SPAG16: variants seen among roughly 807,000 people sequenced by gnomAD.
SPAG16 encodes the protein sperm-associated antigen 16 protein.
Under a neutral mutation model 80.4 loss-of-function variants are expected in SPAG16, and 86 were observed. The ratio of observed to expected loss-of-function variants is 1.07; its 90% CI spans 0.90 to 1.28. The LOEUF is 1.28. Ranked by LOEUF, SPAG16 falls within the 50% of genes most tolerant of loss-of-function variation. The probability of loss-of-function intolerance (pLI) is 0.00; values close to 1 mark genes in which losing one functional copy is unlikely to be tolerated. For synonymous variants in SPAG16, 294 were observed against 265.9 expected, an observed-to-expected ratio of 1.11 and a Z score of -1.03; for missense variants, 870 against 765.3, an observed-to-expected ratio of 1.14 and a Z score of -1.61.
At chr2:213,801,139 A>G (rs2071368768) in intron 10 of SPAG16, among the ~76,000 whole-genome samples, 1 of 152,230 alleles carries the variant, frequency 6.6e-6, no homozygotes, top group Non-Finnish European at 1.5e-5. Context: ...TTTCTGGCAG[A>G]CCTGGAAAAT....
rs2054282748 is a variant in SPAG16, at chr2:214,122,763, A to G, written c.1593+14502A>G. On this transcript the variant is annotated intron_variant, in intron 14 of 15. Transcript: ENST00000331683. ...TATTTGATGTCAGTTCTTATTCATT[A>G]CTGCACCAAGATGATGCATAAGTCA... Among the ~76,000 whole-genome samples, 3 of 152,060 alleles carry G rather than the reference A, an allele frequency of 2.0e-5. No homozygotes were observed. In the South Asian group the frequency reaches 6.2e-4, roughly 32 times the overall value.
At chr2:213,809,676 T>C (rs953106152) in intron 10 of SPAG16, among the ~76,000 whole-genome samples, 1 of 151,868 alleles carries the variant, frequency 6.6e-6, no homozygotes, top group Non-Finnish European at 1.5e-5. Context: ...AAATTACAAT[T>C]AAAAAGAGAA....
intron 10 of SPAG16, among the ~76,000 whole-genome samples, chr2:213,551,783 T>C (rs757509654): frequency 3.3e-5 from 5 of 152,172 alleles, no homozygotes; most frequent in African/African-American, 4.8e-5. Flanking sequence ...ACGTCCCCAC[T>C]CCACTTCTAT....
intron 9 of SPAG16, among the ~76,000 whole-genome samples, chr2:213,472,912 G>A (rs2073165982): frequency 6.6e-6 from 1 of 152,146 alleles, no homozygotes; most frequent in Non-Finnish European, 1.5e-5. Context: ...AGGTTTCCTT[G>A]GGGAAGAATG....
intron 9 of SPAG16, among the ~76,000 whole-genome samples, chr2:213,400,586 A>C (rs1358722320): frequency 6.6e-6 from 1 of 152,166 alleles, no homozygotes; most frequent in Non-Finnish European, 1.5e-5. Context: ...CTACCAAAAA[A>C]TGTTTTCTTT....
At chr2:213,664,230 ATAATCCAGGATT>A (rs1298963228) in intron 10 of SPAG16, among the ~76,000 whole-genome samples, 2 of 152,042 alleles carry the variant, frequency 1.3e-5, no homozygotes, top group Non-Finnish European at 2.9e-5. Context: ...GCCCAATCAG[ATAATCCAGGATT>A]TATCTTCCCG....
chr2:213,945,349 T>C (rs1405756732), intron 12 of SPAG16, among the ~76,000 whole-genome samples: 4 of 149,586 alleles, frequency 2.7e-5, no homozygotes, highest in African/African-American at 9.8e-5. Flanking sequence ...TATATATATG[T>C]GGGAATTTAT....
chr2:213,605,182 A>G (rs1205880832), intron 10 of SPAG16, among the ~76,000 whole-genome samples: 2 of 152,088 alleles, frequency 1.3e-5, no homozygotes, highest in African/African-American at 2.4e-5. Flanking sequence ...CACACTTTAT[A>G]TATGTCCACC....
In SPAG16 at chr2:213,327,902, T is replaced by C. The variant is rs181558201; in HGVS notation, c.536+10546T>C. On this transcript the variant is annotated intron_variant, in intron 5 of 15. Transcript: ENST00000331683. The stretch of plus-strand genomic sequence containing the variant: ...ATGATTATGAGTACAGAAACATTTA[T>C]TGAGTAATTTAGTATTTGCTATGTG... Among the ~76,000 whole-genome samples the C allele has an allele frequency of 2.0e-3, 300 of 152,264 alleles. 7 individuals are homozygous for C. The highest frequency in any genetic ancestry group is 2.1e-4 in the Non-Finnish European group (14 of 67,984).
chr2:214,384,801 C>T (rs909818982), intron 15 of SPAG16, among the ~76,000 whole-genome samples: 7 of 152,174 alleles, frequency 4.6e-5, no homozygotes, highest in Non-Finnish European at 8.8e-5. Flanking sequence ...AGAAGAATAA[C>T]TAAAAGAAGT....
chr2:213,330,513 T>A (rs2064047605), intron 5 of SPAG16, among the ~76,000 whole-genome samples: 1 of 152,242 alleles, frequency 6.6e-6, no homozygotes, highest in Non-Finnish European at 1.5e-5. Flanking sequence ...CCATTTGGAA[T>A]GGCTGTATTT....
In SPAG16 at chr2:214,060,454, A is replaced by T. The variant is rs1425634157; in HGVS notation, c.1527+46377A>T. The stretch of plus-strand genomic sequence containing the variant: ...GTAAGATTATGGGTTACTATAATGA[A>T]TGTCCAAAAATAAAACAGAAAACAT... On this transcript the variant is annotated intron_variant, in intron 13 of 15. Coordinates refer to ENST00000331683, the MANE Select transcript of SPAG16 (RefSeq NM_024532.5). 1.3e-5 allele frequency among the ~76,000 whole-genome samples: 2 copies of T among 152,204 alleles called. 1 individual carries two copies. Among genetic ancestry groups the T allele is most frequent in the Middle Eastern group, 6.3e-3 (2 of 316 alleles).
rs979818451 is a variant in SPAG16, at chr2:214,363,172, A to G, written c.1721-46968A>G. ...AATAATTCTTCTGAACATATATTTC[A>G]CTTTCCTTATAGTTCTAAAGCTTCT... On this transcript the variant is annotated intron_variant, in intron 15 of 15. Transcript: ENST00000331683. Among the ~76,000 whole-genome samples, 5 of 151,816 alleles carry G rather than the reference A, an allele frequency of 3.3e-5. No individual in the cohort carries two copies. In the Admixed American group the frequency reaches 3.3e-4, roughly 10 times the overall value.
At chr2:213,664,805 ATGTG>A (rs1432294425) in intron 10 of SPAG16, among the ~76,000 whole-genome samples, 2 of 149,794 alleles carry the variant, frequency 1.3e-5, no homozygotes, top group African/African-American at 2.5e-5. Context: ...AACTTCATAT[ATGTG>A]TGTGTCTGTA....
At chr2:213,699,271 A>G (rs1300808157) in intron 10 of SPAG16, among the ~76,000 whole-genome samples, 1 of 149,122 alleles carries the variant, frequency 6.7e-6, no homozygotes, top group Non-Finnish European at 1.5e-5. Flanking sequence ...TCCACCTTTT[A>G]TTTTTTCTGA....
At chr2:213,489,845 C>A in intron 9 of SPAG16, 118 bp from the exon 10 acceptor site, 2 of 760,644 alleles carry the variant, frequency 2.6e-6, no homozygotes, top group Non-Finnish European at 3.8e-6. Context: ...TGAAGGACTT[C>A]ATGTAAATTC....
At chr2:213,539,391 T>C (rs1263792559) in intron 10 of SPAG16, among the ~76,000 whole-genome samples, 2 of 152,220 alleles carry the variant, frequency 1.3e-5, no homozygotes, top group Non-Finnish European at 2.9e-5. Context: ...TAAACATAGC[T>C]AAGTTCAAAG....
At chr2:213,897,609 T>C (rs1444222601) in intron 11 of SPAG16, among the ~76,000 whole-genome samples, 1 of 94,008 alleles carries the variant, frequency 1.1e-5, no homozygotes, top group Non-Finnish European at 2.8e-5. Flanking sequence ...CCTCCTCATC[T>C]GCCTATATTG....
intron 11 of SPAG16, among the ~76,000 whole-genome samples, chr2:213,865,386 GAACTAT>G (rs1185771213): frequency 6.6e-6 from 1 of 151,546 alleles, no homozygotes; most frequent in African/African-American, 2.4e-5. Flanking sequence ...AGTCAAAGAG[GAACTAT>G]AAACTTTCAT....
Sources: gnomAD v4.1 joint callset for allele counts (sites outside exome capture counted in the v4.1 genomes callset) on GRCh38, gnomAD v4.1.1 for gene constraint, MANE v1.5 for transcripts, NCBI Gene and HGNC (gene_info 2026-07-23, HGNC 2026-07-21) for gene names.